Variants in TOMM20L observed in about 807,000 individuals in gnomAD.
TOMM20L encodes the protein translocase of outer mitochondrial membrane 20 like.
In TOMM20L, 19 loss-of-function variants were observed where a neutral mutation model predicts 20.4. The ratio of observed to expected loss-of-function variants is 0.93; its 90% CI spans 0.65 to 1.36. The LOEUF is 1.36. Ranked by LOEUF, TOMM20L falls within the 40% of genes most tolerant of loss-of-function variation. The probability of loss-of-function intolerance (pLI) is 0.00; values close to 1 mark genes in which losing one functional copy is unlikely to be tolerated. For missense variants in TOMM20L, 218 were observed against 203.7 expected (o/e 1.07, Z -0.43); for synonymous variants, 75 against 79.6 (o/e 0.94, Z 0.30).
At chr14:58,411,037 A>G (rs972332665), downstream of TOMM20L, 24 of 772,862 alleles carry the variant, frequency 3.1e-5, no homozygotes, top group Admixed American at 3.0e-4. Flanking sequence ...AAAATATACT[A>G]TAACACTTGA....
chr14:58,408,733 T>C, downstream of TOMM20L: 1 of 782,218 alleles, frequency 1.3e-6, no homozygotes, highest in South Asian at 2.1e-5. Flanking sequence ...GCTTTAAAAT[T>C]AACAGTCACA....
At chr14:58,411,027 A>T, downstream of TOMM20L, 3 of 831,878 alleles carry the variant, frequency 3.6e-6, no homozygotes, top group Non-Finnish European at 6.0e-6. Context: ...ATATTTAGAC[A>T]AAATATACTA....
chr14:58,407,581 G>C, intron 4 of TOMM20L, 113 bp downstream of exon 4: 1 of 1,225,968 alleles, frequency 8.2e-7, no homozygotes, highest in Non-Finnish European at 1.1e-6. Context: ...TCTTAAATAA[G>C]TGAAATCTCT....
chr14:58,414,847 G>A, the TOMM20L span, among the ~76,000 whole-genome samples: 31 of 152,056 alleles, frequency 2.0e-4, no homozygotes, highest in Admixed American at 5.2e-4. Flanking sequence ...ACTCCCCAGC[G>A]AGTGTCAGTG....
At position 58,395,989 on chromosome 14, in the gene TOMM20L, T is replaced by G. The variant is rs1385546024; in HGVS notation, c.32T>G (p.Leu11Trp). Reference sequence around the variant, plus strand: ...TCCGTCCGCTCCCTCCTCCGCCTCTTGGCCGCCGCGGCGGCCTGTGGCGCC... The same window carrying G: ...TCCGTCCGCTCCCTCCTCCGCCTCTGGGCCGCCGCGGCGGCCTGTGGCGCC... MPSVRSLLRL[L>W]AAAAACGAFA... Residue 11 changes from leucine to tryptophan, a missense_variant, in exon 1 of 5, where the codon TTG becomes TGG. By Grantham distance (61) the Leu-to-Trp change is moderately conservative. Transcript: ENST00000360945. 6.2e-6 allele frequency: 9 copies of G among 1,446,990 alleles called. No homozygotes were observed. The highest frequency in any genetic ancestry group is 2.9e-5 in the African/African-American group (2 of 68,024). 89.6% of individuals were successfully genotyped at this position (1,446,990 alleles called of 1,614,324 possible).
the TOMM20L span, among the ~76,000 whole-genome samples, chr14:58,416,827 G>C: frequency 6.6e-6 from 1 of 152,132 alleles, no homozygotes; most frequent in African/African-American, 2.4e-5. Flanking sequence ...AAGGAAAAAG[G>C]CCAGGTGTCG....
At chr14:58,411,525 T>C (rs2036215372), downstream of TOMM20L, among the ~76,000 whole-genome samples, 1 of 151,714 alleles carries the variant, frequency 6.6e-6, no homozygotes, top group Non-Finnish European at 1.5e-5. Flanking sequence ...GAAACAATTG[T>C]TTTGTGAAAC....
In TOMM20L at chr14:58,396,430, GTAGT is replaced by G. The variant is rs1566740758; in HGVS notation, c.180+95_180+98del. On this transcript the variant is annotated intron_variant, in intron 2 of 4. Transcript: ENST00000360945. ...TGGCTCCTGGCGGGCTCGGCAGCAG[GTAGT>G]TAGTTCCCTCAGCCGCCCGTGCCCG... is the stretch of plus-strand genomic sequence containing the variant. 1.3e-5 allele frequency: 19 copies of G among 1,462,796 alleles called. No individual in the cohort carries two copies. The East Asian group carries it at 1.5e-4, about 11-fold the overall frequency. The allele number at this position is 1,462,796 out of a possible 1,614,324, so 90.6% of individuals were successfully genotyped here.
chr14:58,401,368 G>A (rs1366722823), intron 2 of TOMM20L, among the ~76,000 whole-genome samples: 2 of 151,974 alleles, frequency 1.3e-5, no homozygotes, highest in Non-Finnish European at 2.9e-5. Context: ...TCAGGAGATC[G>A]AGACCATCCT....
chr14:58,400,802 C>G (rs995522676), intron 2 of TOMM20L, among the ~76,000 whole-genome samples: 2 of 151,362 alleles, frequency 1.3e-5, no homozygotes, highest in African/African-American at 2.4e-5. Flanking sequence ...CACTTGAACC[C>G]GAGAGGCAGA....
chr14:58,414,365 C>T, the TOMM20L span, among the ~76,000 whole-genome samples: 2 of 152,104 alleles, frequency 1.3e-5, no homozygotes, highest in East Asian at 1.9e-4. Context: ...TTTTGATTAA[C>T]ACATACAATC....
At chr14:58,398,638 T>C (rs1159288716) in intron 2 of TOMM20L, 2 of 152,014 alleles carry the variant, frequency 1.3e-5, no homozygotes, top group African/African-American at 2.4e-5. Flanking sequence ...TCAATGGCAG[T>C]TCATATGGGA....
intron 2 of TOMM20L, among the ~76,000 whole-genome samples, chr14:58,397,334 C>T (rs1209110891): frequency 1.3e-5 from 2 of 152,158 alleles, no homozygotes; most frequent in Non-Finnish European, 2.9e-5. Context: ...TGAACTAGAA[C>T]ATGTGCCCAT....
chr14:58,403,126 G>C (rs2036011814), intron 3 of TOMM20L, among the ~76,000 whole-genome samples: 2 of 152,212 alleles, frequency 1.3e-5, no homozygotes, highest in Non-Finnish European at 2.9e-5. Context: ...GGAGGCCAAG[G>C]CAAGAGGATT....
chr14:58,396,372 C>T (rs1461961792), intron 2 of TOMM20L, 31 bp downstream of exon 2: 2 of 1,612,054 alleles, frequency 1.2e-6, no homozygotes, highest in Non-Finnish European at 1.7e-6. Flanking sequence ...ACAGGTAGCT[C>T]AGTAGACGCA....
Position 58,408,642 on chromosome 14 carries a change from AACTGCTCAG to A in TOMM20L, c.*61_*69del. 1 of 1,473,422 alleles carries A rather than the reference AACTGCTCAG, an allele frequency of 6.8e-7. No individual in the cohort carries two copies. Among genetic ancestry groups the A allele is most frequent in the Non-Finnish European group, 9.3e-7 (1 of 1,077,092 alleles). The allele number at this position is 1,473,422 out of a possible 1,614,324, so 91.3% of individuals were successfully genotyped here. ...TACTATGGTACCATACAGTATAAAC[AACTGCTCAG>A]TGATATTTCCATTTATTTTACTTTG... On this transcript the variant is annotated 3_prime_UTR_variant, in exon 5 of 5. Transcript: ENST00000360945.
chr14:58,396,477 G>C, intron 2 of TOMM20L, 136 bp downstream of exon 2: 1 of 888,588 alleles, frequency 1.1e-6, no homozygotes, highest in Non-Finnish European at 1.8e-6. Flanking sequence ...GCCTGCCCTC[G>C]CGCGCCACGC....
At chr14:58,397,270 A>T (rs556557865) in intron 2 of TOMM20L, among the ~76,000 whole-genome samples, 1 of 152,092 alleles carries the variant, frequency 6.6e-6, no homozygotes, top group African/African-American at 2.4e-5. Context: ...GTATGTGTGT[A>T]TATATATGTG....
chr14:58,413,317 CTAA>C (rs2036281346), downstream of TOMM20L, among the ~76,000 whole-genome samples: 1 of 152,198 alleles, frequency 6.6e-6, no homozygotes, highest in Non-Finnish European at 1.5e-5. Context: ...ACCCTTACTA[CTAA>C]TGATCCTTTT....
Sources: allele counts gnomAD v4.1 joint callset (sites outside exome capture counted in the v4.1 genomes callset), GRCh38; gene constraint gnomAD v4.1.1; transcripts MANE v1.5; gene names NCBI Gene and HGNC (gene_info 2026-07-23, HGNC 2026-07-21).